CSMD1: variants seen among roughly 807,000 people sequenced by gnomAD.
CSMD1 encodes CUB and sushi domain-containing protein 1.
CSMD1 carries 213 observed loss-of-function variants against 417.5 expected under a neutral mutation model. The ratio of observed to expected loss-of-function variants is 0.51; its 90% CI spans 0.46 to 0.57. CSMD1 has a LOEUF of 0.57. CSMD1 is among the 20% of genes least tolerant of loss of function. CSMD1 has a pLI of 0.00. For missense variants in CSMD1, 6,923 were observed against 4,529.7 expected, an observed-to-expected ratio of 1.53 and a Z score of -15.17; for synonymous variants, 2,862 against 1,736.8, an observed-to-expected ratio of 1.65 and a Z score of -16.11.
intron 3 of CSMD1, among the ~76,000 whole-genome samples, chr8:4,213,821 A>G (rs914662560): frequency 6.6e-6 from 1 of 152,030 alleles, no homozygotes; most frequent in African/African-American, 2.4e-5. Flanking sequence ...GAAAGATAAG[A>G]AAAGAGACAG....
At chr8:3,183,630 A>G (rs1821568668) in intron 36 of CSMD1, among the ~76,000 whole-genome samples, 1 of 151,218 alleles carries the variant, frequency 6.6e-6, no homozygotes, top group Non-Finnish European at 1.5e-5. Context: ...TAACGATACC[A>G]TCGGCATCCA....
At chr8:3,123,244 C>G (rs775586391) in intron 41 of CSMD1, among the ~76,000 whole-genome samples, 1 of 152,138 alleles carries the variant, frequency 6.6e-6, no homozygotes, top group Non-Finnish European at 1.5e-5. Flanking sequence ...CCTGGGCCAA[C>G]CTGTCAAATG....
chr8:2,991,393 A>T (rs113827317), intron 54 of CSMD1, among the ~76,000 whole-genome samples: 4,437 of 152,332 alleles, frequency 0.029, 98 homozygotes, highest in Non-Finnish European at 0.033. Context: ...CAATGCAATC[A>T]ATGAGTTAAA....
At chr8:4,042,341 T>A (rs184532442) in intron 3 of CSMD1, among the ~76,000 whole-genome samples, 112 of 152,174 alleles carry the variant, frequency 7.4e-4, no homozygotes, top group African/African-American at 2.6e-3. Context: ...AGGGGCCAGG[T>A]GATGCCTCTT....
At chr8:4,680,065 T>C (rs181111102) in intron 1 of CSMD1, among the ~76,000 whole-genome samples, 1 of 152,332 alleles carries the variant, frequency 6.6e-6, no homozygotes, top group Non-Finnish European at 1.5e-5. Flanking sequence ...TAAAACAATA[T>C]GACATTAACA....
chr8:4,934,601 C>G (rs1807472069), intron 1 of CSMD1, among the ~76,000 whole-genome samples: 1 of 151,950 alleles, frequency 6.6e-6, no homozygotes, highest in African/African-American at 2.4e-5. Context: ...AATATAATGT[C>G]TACCTTTTTA....
chr8:3,985,206 G>T (rs937799159), intron 5 of CSMD1, among the ~76,000 whole-genome samples: 6 of 152,106 alleles, frequency 3.9e-5, no homozygotes, highest in African/African-American at 9.7e-5. Context: ...AAACTAGAAG[G>T]TATCTGAGAA....
At chr8:3,604,231 G>T (rs1040514776) in intron 8 of CSMD1, among the ~76,000 whole-genome samples, 1 of 152,084 alleles carries the variant, frequency 6.6e-6, no homozygotes, top group South Asian at 2.1e-4. Context: ...CAAATTGGAA[G>T]CATAGACGTG....
At chr8:3,547,683 G>C (rs180871998) in intron 10 of CSMD1, among the ~76,000 whole-genome samples, 1 of 152,018 alleles carries the variant, frequency 6.6e-6, no homozygotes, top group African/African-American at 2.4e-5. Flanking sequence ...ACCTTTCTTT[G>C]GAGTTAAATC....
chr8:4,384,885 G>C (rs533115484), intron 3 of CSMD1, among the ~76,000 whole-genome samples: 3 of 151,532 alleles, frequency 2.0e-5, no homozygotes, highest in Non-Finnish European at 4.4e-5. Flanking sequence ...TCTAATTTCT[G>C]GTGACTATCA....
chr8:4,804,904 A>G (rs1798504416), intron 1 of CSMD1, among the ~76,000 whole-genome samples: 1 of 152,234 alleles, frequency 6.6e-6, no homozygotes, highest in Non-Finnish European at 1.5e-5. Flanking sequence ...CTTCCCTAAT[A>G]AAAGAGAAAA....
chr8:4,209,258 G>A (rs1800160725), intron 3 of CSMD1, among the ~76,000 whole-genome samples: 2 of 152,100 alleles, frequency 1.3e-5, no homozygotes, highest in Admixed American at 6.5e-5. Context: ...AAAAGAGGCA[G>A]CCAGCTGGCC....
intron 10 of CSMD1, among the ~76,000 whole-genome samples, chr8:3,498,559 A>T (rs1346002524): frequency 6.6e-6 from 1 of 152,158 alleles, no homozygotes; most frequent in Non-Finnish European, 1.5e-5. Context: ...AAATTTGAGA[A>T]GTTTTCAGCT....
intron 5 of CSMD1, among the ~76,000 whole-genome samples, chr8:3,988,803 AAAC>A (rs1814524542): frequency 6.6e-6 from 1 of 152,242 alleles, no homozygotes; most frequent in Admixed American, 6.5e-5. Flanking sequence ...TTATATTTCC[AAAC>A]AACAAGGAAG....
At position 4,146,308 on chromosome 8, in the gene CSMD1, T is replaced by G. The variant is rs185413811; in HGVS notation, c.416-114209A>C. The stretch of plus-strand genomic sequence containing the variant: ...GTCGGCACAGTGCCATAGCCTCTGC[T>G]TGGTGTCTGACACATCCAAAGCAGG... On this transcript the variant is annotated intron_variant, in intron 3 of 69. Coordinates refer to ENST00000635120, the MANE Select transcript of CSMD1 (RefSeq NM_033225.6). Among the ~76,000 whole-genome samples, 101 of 151,070 alleles carry G rather than the reference T, an allele frequency of 6.7e-4. 4 individuals carry two copies. The highest frequency in any genetic ancestry group is 2.0e-3 in the African/African-American group (82 of 40,434).
intron 1 of CSMD1, among the ~76,000 whole-genome samples, chr8:4,792,983 A>AATATATATATATATATAT (rs34947549): frequency 8.7e-5 from 13 of 148,578 alleles, no homozygotes; most frequent in African/African-American, 3.2e-4. Flanking sequence ...ATGTGTATGC[A>AATATATATATATATATAT]ATATATATAT....
rs542907018 is a variant in CSMD1 at position 4,495,357 on chromosome 8, C to T, written c.303-75292G>A. Among the ~76,000 whole-genome samples the T allele has an allele frequency of 1.1e-4, 16 of 152,256 alleles. No individual in the cohort carries two copies. The South Asian group carries it at 2.5e-3, about 24-fold the overall frequency. On this transcript the variant is annotated intron_variant, in intron 2 of 69. Coordinates refer to ENST00000635120, the MANE Select transcript of CSMD1 (RefSeq NM_033225.6). ...TTGGGAGGCTGAGGCGGGCGGATCA[C>T]GAAGTCAAGGGTTCGAGACTAGCAT...
chr8:3,309,836 T>C (rs1805188057), intron 23 of CSMD1, among the ~76,000 whole-genome samples: 1 of 152,240 alleles, frequency 6.6e-6, no homozygotes, highest in Non-Finnish European at 1.5e-5. Context: ...TGCTGATGTC[T>C]GACTAATCAG....
intron 18 of CSMD1, among the ~76,000 whole-genome samples, chr8:3,387,121 G>A (rs943934830): frequency 6.6e-6 from 1 of 152,072 alleles, no homozygotes; most frequent in African/African-American, 2.4e-5. Flanking sequence ...TAGACTGAGA[G>A]GAAGTGAGAC....
Sources: gnomAD v4.1 joint callset for allele counts (sites outside exome capture counted in the v4.1 genomes callset) on GRCh38, gnomAD v4.1.1 for gene constraint, MANE v1.5 for transcripts, NCBI Gene and HGNC (gene_info 2026-07-23, HGNC 2026-07-21) for gene names.